Variants in PRKCSH observed in about 807,000 individuals in gnomAD.
The protein encoded by PRKCSH is PRKCSH beta subunit of glucosidase II.
In PRKCSH, 42 loss-of-function variants were observed where a neutral mutation model predicts 79.7. That is an observed-to-expected ratio of 0.53 (90% CI 0.41 to 0.68). PRKCSH has a LOEUF of 0.68. Among genes scored for constraint, PRKCSH ranks in the 30% least tolerant of loss-of-function variants. The probability of loss-of-function intolerance (pLI) is 0.00; values close to 1 mark genes in which losing one functional copy is unlikely to be tolerated. For missense variants in PRKCSH, 686 were observed against 709.0 expected, an observed-to-expected ratio of 0.97 and a Z score of 0.37; for synonymous variants, 325 against 288.2, an observed-to-expected ratio of 1.13 and a Z score of -1.29.
rs1276722282 is a variant in PRKCSH, at chr19:11,448,428, C to T, written c.1197-112C>T. The T allele has an allele frequency of 2.7e-5, 39 of 1,443,604 alleles. No homozygotes were observed. The highest frequency in any genetic ancestry group is 3.5e-5 in the Non-Finnish European group (36 of 1,034,616). 89.4% of individuals were successfully genotyped at this position (1,443,604 alleles called of 1,614,324 possible). A position where few individuals can be genotyped will look rare whatever the true frequency, so the allele number is the denominator to read the frequency against. Reference sequence around the variant, plus strand: ...TGCAGGGAGGGTCCCTGGGAGGTGGCAGGGAGGACAGCCTGGGCACCATTG... The same window carrying T: ...TGCAGGGAGGGTCCCTGGGAGGTGGTAGGGAGGACAGCCTGGGCACCATTG... On this transcript the variant is annotated intron_variant, in intron 13 of 17. Transcript: ENST00000677123. This position sits in a 1 kb window ranked among gnomAD's most constrained non-coding sequence, Gnocchi z 4.4.
chr19:11,435,758 A>T (rs1969688855), intron 1 of PRKCSH, 52 bp downstream of exon 1: 1 of 1,367,826 alleles, frequency 7.3e-7, no homozygotes. Context: ...ACAGGGGGCA[A>T]CCGGAGGGTG....
At position 11,447,936 on chromosome 19, in the gene PRKCSH, C is replaced by A; in HGVS notation, c.1126+147C>A. On this transcript the variant is annotated intron_variant, in intron 12 of 17. Coordinates refer to ENST00000677123, the MANE Select transcript of PRKCSH (RefSeq NM_001289104.2). The surrounding 1 kb of genome is among the most constrained non-coding windows in gnomAD (Gnocchi z 5.6). ...ATCTTGGGGAGTCCAGGAAGGGGGC[C>A]TAGGGTAAGCCAGTCCCACCCTCGC... 1.9e-6 allele frequency: 2 copies of A among 1,027,072 alleles called. No homozygotes were observed. The highest frequency in any genetic ancestry group is 2.8e-6 in the Non-Finnish European group (2 of 719,640). 63.6% of individuals were successfully genotyped at this position (1,027,072 alleles called of 1,614,324 possible).
chr19:11,445,540 G>A, intron 8 of PRKCSH, 67 bp downstream of exon 8: 5 of 1,508,026 alleles, frequency 3.3e-6, no homozygotes, highest in South Asian at 1.2e-5. Context: ...CGCCACCCTC[G>A]CCTCTAGAAA....
chr19:11,436,602 C>T, intron 3 of PRKCSH, 97 bp downstream of exon 3: 2 of 1,037,122 alleles, frequency 1.9e-6, no homozygotes, highest in Non-Finnish European at 1.5e-6. Flanking sequence ...TGCTGGCTCC[C>T]CTTTGAGTGG....
At chr19:11,435,742 T>C in intron 1 of PRKCSH, 36 bp downstream of exon 1, 1 of 1,350,872 alleles carries the variant, frequency 7.4e-7, no homozygotes, top group South Asian at 1.2e-5. Context: ...GGCACCTCAG[T>C]TTCTTACAGG....
At chr19:11,438,522 T>C (rs2144810440) in intron 5 of PRKCSH, among the ~76,000 whole-genome samples, 1 of 151,972 alleles carries the variant, frequency 6.6e-6, no homozygotes, top group African/African-American at 2.4e-5. Context: ...TTTGGGAGGC[T>C]GAGGCAGGCG....
Position 11,436,210 on chromosome 19 carries a change from T to C in PRKCSH, c.79+14T>C, listed in dbSNP as rs1394852213. The C allele has an allele frequency of 6.3e-7, 1 of 1,585,662 alleles. No individual in the cohort carries two copies. Among genetic ancestry groups the C allele is most frequent in the Non-Finnish European group, 8.6e-7 (1 of 1,164,544 alleles). ...TCTCCCTCACCAGTGAGTCCTCCTG[T>C]TCACCCTCCCGCCAGGCTGGAGGTG... is the stretch of plus-strand genomic sequence containing the variant. On this transcript the variant is annotated intron_variant, in intron 2 of 17. Transcript: ENST00000677123.
chr19:11,445,847 T>G, intron 8 of PRKCSH: 1 of 428,904 alleles, frequency 2.3e-6, no homozygotes, highest in Non-Finnish European at 4.3e-6. Flanking sequence ...GGGTGGACTT[T>G]TGGGGGCTGA....
rs1427203244 is a variant in PRKCSH, at chr19:11,449,041, C to T, written c.1362-35C>T. 1 of 1,613,076 alleles carries T rather than the reference C, an allele frequency of 6.2e-7. No individual in the cohort carries two copies. Among genetic ancestry groups the T allele is most frequent in the South Asian group, 1.1e-5 (1 of 91,088 alleles). On this transcript the variant is annotated intron_variant, in intron 15 of 17. Coordinates refer to ENST00000677123, the MANE Select transcript of PRKCSH (RefSeq NM_001289104.2). This position sits in a 1 kb window ranked among gnomAD's most constrained non-coding sequence, Gnocchi z 6.4. The stretch of plus-strand genomic sequence containing the variant: ...TCTGCCTCCTCCTGGTGCCCCGACA[C>T]CGGCCCAGCCCTCAGCACCCTGTGT...
In PRKCSH at chr19:11,449,241, C is replaced by T. The variant is rs765300367; in HGVS notation, c.1462-25C>T. ...CAGGCCTGGCCCAGCCGAACCCTCT[C>T]GAGCACCCGTCTGCCCATCCCCAGG... is the stretch of plus-strand genomic sequence containing the variant. On this transcript the variant is annotated intron_variant, in intron 16 of 17. Coordinates refer to ENST00000677123, the MANE Select transcript of PRKCSH (RefSeq NM_001289104.2). This position sits in a 1 kb window ranked among gnomAD's most constrained non-coding sequence, Gnocchi z 6.4. 2.9e-5 allele frequency: 46 copies of T among 1,613,546 alleles called. No homozygotes were observed. The highest frequency in any genetic ancestry group is 5.0e-5 in the Admixed American group (3 of 60,010).
In PRKCSH at chr19:11,447,527, AGG is replaced by A. The variant is rs1444370541; in HGVS notation, c.939_940del (p.Glu314GlyfsTer13). On this transcript the variant is annotated frameshift_variant, in exon 11 of 18. Transcript: ENST00000677123. LOFTEE classifies it high-confidence loss of function. This position sits in a 1 kb window ranked among gnomAD's most constrained non-coding sequence, Gnocchi z 5.6. ...CCGCCAGTGCCCTCGTCGCCCACAG[AGG>A]AGGAGGAGGAGGAGGAGGAGGAGGA... 12 of 309,806 alleles carry A rather than the reference AGG, an allele frequency of 3.9e-5. No homozygotes were observed. The highest frequency in any genetic ancestry group is 1.2e-4 in the African/African-American group (2 of 16,526). The allele number at this position is 309,806 out of a possible 1,614,324, so 19.2% of individuals were successfully genotyped here. A position where few individuals can be genotyped will look rare whatever the true frequency, so the allele number is the denominator to read the frequency against.
In PRKCSH at chr19:11,446,351, G is replaced by T; in HGVS notation, c.762+1G>T. The stretch of plus-strand genomic sequence containing the variant: ...GGCGTTGTCAGAAGCGGAAGCTCAG[G>T]TACCCCCGGCTGCCCCTTGGTTGGG... On this transcript the variant is annotated splice_donor_variant, in intron 9 of 17. Transcript: ENST00000677123. LOFTEE classifies it high-confidence loss of function. 2 of 1,612,818 alleles carry T rather than the reference G, an allele frequency of 1.2e-6. No homozygotes were observed. The highest frequency in any genetic ancestry group is 1.7e-6 in the Non-Finnish European group (2 of 1,179,332).
Position 11,445,263 on chromosome 19 carries a change from T to C in PRKCSH, c.599-126T>C, listed in dbSNP as rs1261599508. The C allele has an allele frequency of 9.7e-6, 8 of 827,960 alleles. No homozygotes were observed. The East Asian group carries it at 2.0e-4, about 21-fold the overall frequency. The allele number at this position is 827,960 out of a possible 1,614,324, so 51.3% of individuals were successfully genotyped here. On this transcript the variant is annotated intron_variant, in intron 7 of 17. Transcript: ENST00000677123. Reference sequence around the variant, plus strand: ...GGGACCTTTGTCTCCTCCACAGTCGTGTCCTCAGGGTCCAGCATGGGGCCA... The same window carrying C: ...GGGACCTTTGTCTCCTCCACAGTCGCGTCCTCAGGGTCCAGCATGGGGCCA...
chr19:11,447,257 C>G lies in PRKCSH; in HGVS notation c.849+97C>G. On this transcript the variant is annotated intron_variant, in intron 10 of 17. Coordinates refer to ENST00000677123, the MANE Select transcript of PRKCSH (RefSeq NM_001289104.2). This position sits in a 1 kb window ranked among gnomAD's most constrained non-coding sequence, Gnocchi z 5.6. The stretch of plus-strand genomic sequence containing the variant: ...GCCTCTGGTTCTGGCACCTGGCCAC[C>G]CTGGCCAGCTGGGTGGCCCCAGCAC... 1 of 1,460,548 alleles carries G rather than the reference C, an allele frequency of 6.8e-7. No individual in the cohort carries two copies. Among genetic ancestry groups the G allele is most frequent in the Non-Finnish European group, 9.4e-7 (1 of 1,058,616 alleles). 90.5% of individuals were successfully genotyped at this position (1,460,548 alleles called of 1,614,324 possible).
chr19:11,437,476 T>G (rs1052198634), intron 3 of PRKCSH, among the ~76,000 whole-genome samples: 1 of 152,118 alleles, frequency 6.6e-6, no homozygotes, highest in African/African-American at 2.4e-5. Context: ...CTCAGCCTCC[T>G]GAGTAGCTGG....
intron 5 of PRKCSH, among the ~76,000 whole-genome samples, chr19:11,440,701 C>A (rs1970024248): frequency 6.6e-6 from 1 of 152,210 alleles, no homozygotes; most frequent in Non-Finnish European, 1.5e-5. Context: ...GATCCGCCCG[C>A]CTTGGCCTCC....
chr19:11,447,610 C>A lies in PRKCSH; in HGVS notation c.1021C>A (p.Gln341Lys). The A allele has an allele frequency of 6.3e-7, 1 of 1,586,478 alleles. No individual in the cohort carries two copies. The highest frequency in any genetic ancestry group is 1.8e-5 in the Admixed American group (1 of 55,106). ...GGAGGATTCCGAGGTGCAGGGGGAG[C>A]AGCCCAAGGTCCGTGTTTGGGGGAG... ...EEEDSEVQGE[Q>K]PKEAPPPLSP... The change falls in exon 11 of 18, where the codon CAG (glutamine) becomes AAG (lysine). Residue 341 changes from glutamine (Q) to lysine (K), a missense_variant. Gln to Lys is a moderately conservative substitution (Grantham distance 53). This residue lies in a region of PRKCSH where 549 missense variants were observed against 520.2 expected (regional missense o/e 1.06). Coordinates refer to ENST00000677123, the MANE Select transcript of PRKCSH (RefSeq NM_001289104.2). The surrounding 1 kb of genome is among the most constrained non-coding windows in gnomAD (Gnocchi z 5.6).
Position 11,441,332 on chromosome 19 carries a change from G to A in PRKCSH, c.443G>A (p.Trp148Ter). The A allele has an allele frequency of 6.2e-7, 1 of 1,614,088 alleles. No individual in the cohort carries two copies. Among genetic ancestry groups the A allele is most frequent in the Non-Finnish European group, 8.5e-7 (1 of 1,179,954 alleles). ...FRLKKILIEDWKKAREEKQKK... is the reference protein window; with the variant it reads ...FRLKKILIED ...CTGAAGAAGATCCTTATTGAGGACT[G>A]GAAGAAGGCACGGGAGGAGAAGCAG... The change falls in exon 6 of 18, where the codon TGG (tryptophan) becomes TAG (stop). Residue 148 changes from tryptophan to a stop codon, truncating the protein, a stop_gained. Coordinates refer to ENST00000677123, the MANE Select transcript of PRKCSH (RefSeq NM_001289104.2). LOFTEE classifies it high-confidence loss of function.
intron 5 of PRKCSH, among the ~76,000 whole-genome samples, chr19:11,439,284 T>C (rs1380427335): frequency 6.6e-6 from 1 of 151,818 alleles, no homozygotes; most frequent in East Asian, 1.9e-4. Context: ...TATGAAAAAA[T>C]AAGACCCGGC....
Sources: gnomAD v4.1 joint callset for allele counts (sites outside exome capture counted in the v4.1 genomes callset) on GRCh38, gnomAD v4.1.1 for gene constraint, gnomAD v4.1.1 regional missense constraint, Gnocchi (gnomAD v3.1) non-coding constraint, MANE v1.5 for transcripts, NCBI Gene and HGNC (gene_info 2026-07-23, HGNC 2026-07-21) for gene names.